The following TENM2 variants were observed in gnomAD, a reference collection of about 807,000 sequenced individuals.
TENM2 encodes the protein teneurin transmembrane protein 2, also known as teneurin-2.
TENM2 carries 52 observed loss-of-function variants against 245.2 expected under a neutral mutation model. The observed-to-expected ratio is 0.21, with a 90% CI of 0.17 to 0.27. The LOEUF (loss-of-function observed/expected upper bound fraction) is 0.27, where lower values mean the gene tolerates loss of function less well. Among genes scored for constraint, TENM2 ranks in the 10% least tolerant of loss-of-function variants. The probability of loss-of-function intolerance (pLI) is 1.00; values close to 1 mark genes in which losing one functional copy is unlikely to be tolerated. For missense variants in TENM2, 3,046 were observed against 3,666.8 expected, an observed-to-expected ratio of 0.83 and a Z score of 4.37; for synonymous variants, 1,363 against 1,438.9, an observed-to-expected ratio of 0.95 and a Z score of 1.19.
At chr5:167,865,695 A>G (rs1268677898) in intron 2 of TENM2, among the ~76,000 whole-genome samples, 2 of 152,204 alleles carry the variant, frequency 1.3e-5, no homozygotes, top group Admixed American at 6.5e-5. Flanking sequence ...TTGTCACTTA[A>G]TAAATCTAAC....
At chr5:167,217,403 G>A in the TENM2 span, among the ~76,000 whole-genome samples, 1 of 152,102 alleles carries the variant, frequency 6.6e-6, no homozygotes, top group Non-Finnish European at 1.5e-5. Context: ...ATCTTAAGAA[G>A]CACGGACTGA....
At chr5:168,185,915 CATATATATATAT>C (rs200942772) in intron 13 of TENM2, among the ~76,000 whole-genome samples, 47 of 73,878 alleles carry the variant, frequency 6.4e-4, no homozygotes, top group South Asian at 5.8e-4. Flanking sequence ...ACCAGACTGA[CATATATATATAT>C]ATATATATAT....
chr5:167,974,398 GAGGA>G (rs550071678), intron 4 of TENM2, among the ~76,000 whole-genome samples: 39 of 137,842 alleles, frequency 2.8e-4, no homozygotes, highest in South Asian at 1.1e-3. Flanking sequence ...AGGAAGGAGG[GAGGA>G]AGGAAGGAAG....
At chr5:167,005,119 C>T in the TENM2 span, among the ~76,000 whole-genome samples, 2 of 152,096 alleles carry the variant, frequency 1.3e-5, no homozygotes, top group African/African-American at 4.8e-5. Context: ...GTCTGTGAGT[C>T]ACTTTGCTGC....
At chr5:168,040,188 A>G (rs997332006) in intron 5 of TENM2, among the ~76,000 whole-genome samples, 1 of 152,214 alleles carries the variant, frequency 6.6e-6, no homozygotes, top group Admixed American at 6.5e-5. Context: ...GTGAGGGACT[A>G]GAAGTAGGAA....
intron 2 of TENM2, among the ~76,000 whole-genome samples, chr5:167,634,389 C>A (rs1779063235): frequency 6.6e-6 from 1 of 151,782 alleles, no homozygotes; most frequent in South Asian, 2.1e-4. Context: ...TTAGGGTGTA[C>A]TTAAAAGAAT....
chr5:167,576,374 A>G (rs1420810928), intron 2 of TENM2, among the ~76,000 whole-genome samples: 2 of 151,086 alleles, frequency 1.3e-5, no homozygotes, highest in African/African-American at 2.4e-5. Context: ...CAGTAGACTT[A>G]TAAAAGCCAA....
chr5:168,259,153 T>C (rs1288552534), intron 27 of TENM2, among the ~76,000 whole-genome samples: 1 of 152,146 alleles, frequency 6.6e-6, no homozygotes, highest in East Asian at 1.9e-4. Flanking sequence ...AGTCTTTTTC[T>C]AAGGACCTAG....
rs537848341 is a variant in TENM2, at chr5:168,000,802, A to C, written c.1186+7620A>C. Among the ~76,000 whole-genome samples the C allele has an allele frequency of 3.9e-5, 6 of 152,316 alleles. No individual in the cohort carries two copies. The South Asian group carries it at 1.2e-3, about 32-fold the overall frequency. ...GCCCTGTAATACAACACCAATTATA[A>C]GGTGCATTCTGATTCCAGACTTGTG... On this transcript the variant is annotated intron_variant, in intron 5 of 28. Transcript: ENST00000518659.
chr5:167,820,924 A>T (rs1767474990), intron 2 of TENM2: 1 of 152,188 alleles, frequency 6.6e-6, no homozygotes, highest in African/African-American at 2.4e-5. Flanking sequence ...TTCACGTGGG[A>T]TTTTCACAGG....
the TENM2 span, among the ~76,000 whole-genome samples, chr5:167,175,249 A>G: frequency 6.6e-6 from 1 of 152,238 alleles, no homozygotes; most frequent in Non-Finnish European, 1.5e-5. Context: ...TAGTGCCTGT[A>G]TTTCTCAGAT....
chr5:168,081,743 A>G (rs1286911643), intron 7 of TENM2, among the ~76,000 whole-genome samples: 8 of 152,344 alleles, frequency 5.3e-5, no homozygotes, highest in African/African-American at 1.7e-4. Flanking sequence ...TTCTTTAAGA[A>G]TGTTGAATAT....
At chr5:167,363,994 A>C (rs1007291320) in intron 1 of TENM2, among the ~76,000 whole-genome samples, 1 of 152,108 alleles carries the variant, frequency 6.6e-6, no homozygotes, top group African/African-American at 2.4e-5. Context: ...TTCAAGCACA[A>C]TTAAAGAAAT....
At chr5:167,839,890 T>G (rs1769338831) in intron 2 of TENM2, among the ~76,000 whole-genome samples, 3 of 152,242 alleles carry the variant, frequency 2.0e-5, no homozygotes, top group Admixed American at 2.0e-4. Flanking sequence ...CGGTCTTGGC[T>G]CACTGCAACC....
chr5:167,534,130 G>C (rs982240641), intron 2 of TENM2, among the ~76,000 whole-genome samples: 10 of 152,144 alleles, frequency 6.6e-5, no homozygotes, highest in South Asian at 4.1e-4. Flanking sequence ...CAAATGTGTT[G>C]ATAAAACCCA....
Position 168,179,134 on chromosome 5 carries a change from GAAA to G in TENM2, c.2570-11183_2570-11181del, listed in dbSNP as rs35502066. ...TGAGCAACAGAGTGAGACTCTGCCT[GAAA>G]AAAAAAAAAAAAAAAAAAAGAAGCT... is the stretch of plus-strand genomic sequence containing the variant. On this transcript the variant is annotated intron_variant, in intron 13 of 28. Coordinates refer to ENST00000518659, the Ensembl canonical transcript of TENM2. 5.1e-3 allele frequency among the ~76,000 whole-genome samples: 507 copies of G among 99,932 alleles called. 5 individuals carry two copies. The highest frequency in any genetic ancestry group is 0.015 in the Middle Eastern group (3 of 200). 65.6% of individuals were successfully genotyped at this position (99,932 alleles called of 152,430 possible). A position where few individuals can be genotyped will look rare whatever the true frequency, so the allele number is the denominator to read the frequency against.
At chr5:168,165,648 A>C (rs1039649875) in intron 13 of TENM2, among the ~76,000 whole-genome samples, 1,790 of 30,842 alleles carry the variant, frequency 0.058, 53 homozygotes, top group Non-Finnish European at 0.066. Flanking sequence ...CCCCCCCCCA[A>C]CCCCCCCCCC....
intron 3 of TENM2, among the ~76,000 whole-genome samples, chr5:167,912,343 A>G (rs1583346288): frequency 6.6e-6 from 1 of 152,322 alleles, no homozygotes; most frequent in Non-Finnish European, 1.5e-5. Context: ...TTAAGGATAA[A>G]TAGTATTCTG....
chr5:167,929,159 G>A (rs150449446), intron 3 of TENM2, among the ~76,000 whole-genome samples: 5,389 of 145,550 alleles, frequency 0.037, 165 homozygotes, highest in South Asian at 0.095. Context: ...GGGAGGGAAG[G>A]AAGGAAAGAA....
Sources: gnomAD v4.1 joint callset for allele counts (sites outside exome capture counted in the v4.1 genomes callset) on GRCh38, gnomAD v4.1.1 for gene constraint, MANE v1.5 for transcripts, NCBI Gene and HGNC (gene_info 2026-07-23, HGNC 2026-07-21) for gene names.